ZNF738: variants seen among roughly 807,000 people sequenced by gnomAD.
The protein encoded by ZNF738 is protein ZNF738.
Under a neutral mutation model 9.2 loss-of-function variants are expected in ZNF738, and 10 were observed. The observed-to-expected ratio is 1.09, with a 90% CI of 0.67 to 1.85. The LOEUF is 1.85. Among genes scored for constraint, ZNF738 ranks in the 40% most tolerant of loss-of-function variants. The pLI is 0.00. For synonymous variants in ZNF738, 113 were observed against 94.5 expected (o/e 1.20, Z -1.14); for missense variants, 346 against 283.6 (o/e 1.22, Z -1.58).
In ZNF738 at chr19:21,375,365, G is replaced by C; in HGVS notation, c.223+1G>C. The C allele has an allele frequency of 1.2e-6, 1 of 832,862 alleles. No homozygotes were observed. Among genetic ancestry groups the C allele is most frequent in the Non-Finnish European group, 2.1e-6 (1 of 485,504 alleles). 51.6% of individuals were successfully genotyped at this position (832,862 alleles called of 1,614,324 possible). A position where few individuals can be genotyped will look rare whatever the true frequency, so the allele number is the denominator to read the frequency against. ...AACTTCAGAAACCTGGTGTTCTTGG[G>C]TGAGAATAACTTTAATACACAATTC... On this transcript the variant is annotated splice_donor_variant, in intron 3 of 4. Coordinates refer to ENST00000683779, the MANE Select transcript of ZNF738 (RefSeq NM_001355237.2). LOFTEE classifies it high-confidence loss of function.
Position 21,361,795 on chromosome 19 carries a change from C to G in ZNF738, c.33C>G (p.Val11=). The G allele has an allele frequency of 1.3e-6, 1 of 780,754 alleles. No homozygotes were observed. 48.4% of individuals were successfully genotyped at this position (780,754 alleles called of 1,614,324 possible). A position where few individuals can be genotyped will look rare whatever the true frequency, so the allele number is the denominator to read the frequency against. The change falls in exon 2 of 5, where the codon GTC becomes GTG. Residue 11 remains valine (V), a synonymous_variant. Coordinates refer to ENST00000683779, the MANE Select transcript of ZNF738 (RefSeq NM_001355237.2). The stretch of plus-strand genomic sequence containing the variant: ...ACCTGAGGTATGGAGTGTATCCTGT[C>G]AAGGGGGCAAGTGGATACCCTGGGG... MDDLRYGVYP[V]KGASGYPGAE... is the part of the protein sequence containing the mutation.
At chr19:21,378,203 A>G (rs538972073) in intron 4 of ZNF738, 56 of 358,414 alleles carry the variant, frequency 1.6e-4, no homozygotes, top group Admixed American at 1.3e-3. Context: ...AATGATTTCT[A>G]TGCCTTTATC....
At chr19:21,373,003 C>G (rs892386350) in intron 2 of ZNF738, among the ~76,000 whole-genome samples, 45 of 152,262 alleles carry the variant, frequency 3.0e-4, no homozygotes, top group African/African-American at 1.1e-3. Flanking sequence ...GTAAAGGACT[C>G]TGTGCTGTGC....
In ZNF738 at chr19:21,361,758, T is replaced by C; in HGVS notation, c.4-8T>C. The C allele has an allele frequency of 1.3e-6, 1 of 780,366 alleles. No homozygotes were observed. The highest frequency in any genetic ancestry group is 1.3e-5 in the South Asian group (1 of 74,602). The allele number at this position is 780,366 out of a possible 1,614,324, so 48.3% of individuals were successfully genotyped here. On this transcript the variant is annotated splice_polypyrimidine_tract_variant and splice_region_variant and intron_variant, in intron 1 of 4. Transcript: ENST00000683779. The stretch of plus-strand genomic sequence containing the variant: ...GGATATCAGCTTCTGGTTTATTTTC[T>C]CCCATAGGACGACCTGAGGTATGGA...
chr19:21,359,695 G>A (rs1325314047), intron 1 of ZNF738, among the ~76,000 whole-genome samples: 2 of 152,166 alleles, frequency 1.3e-5, no homozygotes, highest in African/African-American at 2.4e-5. Flanking sequence ...GGCTAACACG[G>A]TGAAACCCCG....
chr19:21,383,973 A>C lies in ZNF738; in HGVS notation c.*299A>C, dbSNP rs1361851961. 4 of 1,452,884 alleles carry C rather than the reference A, an allele frequency of 2.8e-6. No individual in the cohort carries two copies. Among genetic ancestry groups the C allele is most frequent in the Middle Eastern group, 1.7e-4 (1 of 5,738 alleles). 90.0% of individuals were successfully genotyped at this position (1,452,884 alleles called of 1,614,324 possible). ...CTCCTACCTTACTGCACATAAGTTG[A>C]TTCATACTGGAGAGAAACCCTACAA... On this transcript the variant is annotated 3_prime_UTR_variant, in exon 5 of 5. Transcript: ENST00000683779.
chr19:21,375,204 C>T, intron 2 of ZNF738, 34 bp from the exon 3 acceptor site: 7 of 914,312 alleles, frequency 7.7e-6, no homozygotes, highest in Non-Finnish European at 1.1e-5. Context: ...CCCGTGGACA[C>T]TTGTAAATAT....
At chr19:21,381,715 G>C (rs974738391) in intron 4 of ZNF738, 6 of 320,226 alleles carry the variant, frequency 1.9e-5, no homozygotes, top group African/African-American at 6.6e-5. Flanking sequence ...GGATGGTCTC[G>C]ATCTCCTGAC....
chr19:21,368,794 T>C (rs1973820613), intron 2 of ZNF738, among the ~76,000 whole-genome samples: 1 of 151,894 alleles, frequency 6.6e-6, no homozygotes, highest in Non-Finnish European at 1.5e-5. Flanking sequence ...TGGAGTACAA[T>C]GGTGTGATCT....
chr19:21,377,710 C>G (rs1973950172), intron 4 of ZNF738: 2 of 376,178 alleles, frequency 5.3e-6, no homozygotes, highest in Non-Finnish European at 9.4e-6. Flanking sequence ...TATTTGCATG[C>G]AATGTCTAAA....
chr19:21,362,388 G>T (rs1053893817), intron 2 of ZNF738, among the ~76,000 whole-genome samples: 1 of 152,198 alleles, frequency 6.6e-6, no homozygotes, highest in Non-Finnish European at 1.5e-5. Context: ...GTGAGATGGT[G>T]TAAGAACTTG....
chr19:21,382,634 A>C (rs1455997012), intron 4 of ZNF738, among the ~76,000 whole-genome samples: 2 of 152,080 alleles, frequency 1.3e-5, no homozygotes, highest in African/African-American at 4.8e-5. Context: ...GACTTTTTGC[A>C]TTGTGCTCAC....
intron 2 of ZNF738, among the ~76,000 whole-genome samples, chr19:21,368,266 G>A (rs1488369903): frequency 1.3e-5 from 2 of 151,862 alleles, no homozygotes; most frequent in Non-Finnish European, 2.9e-5. Flanking sequence ...CCTCAACTAG[G>A]CCTCCATGAC....
At position 21,382,957 on chromosome 19, in the gene ZNF738, TG is replaced by T; in HGVS notation, c.413del (p.Gly138AspfsTer7). 1 of 635,684 alleles carries T rather than the reference TG, an allele frequency of 1.6e-6. No individual in the cohort carries two copies. The highest frequency in any genetic ancestry group is 2.9e-6 in the Non-Finnish European group (1 of 340,372). The allele number at this position is 635,684 out of a possible 1,614,324, so 39.4% of individuals were successfully genotyped here. ...TGATACTGAGAGAATATGGAAATTA[TG>T]GACATAAAGATTTACAGTTAAGAAA... is the stretch of plus-strand genomic sequence containing the variant. ...KVILREYGNY[G>X]HKDLQLRKGC... is the part of the protein sequence containing the mutation. On this transcript the variant is annotated frameshift_variant, in exon 5 of 5. Coordinates refer to ENST00000683779, the MANE Select transcript of ZNF738 (RefSeq NM_001355237.2). LOFTEE classifies it low-confidence loss of function (END_TRUNC).
intron 2 of ZNF738, among the ~76,000 whole-genome samples, 168 bp downstream of exon 2, chr19:21,362,026 G>A (rs904313564): frequency 1.3e-5 from 2 of 151,748 alleles, no homozygotes; most frequent in Admixed American, 6.6e-5. Flanking sequence ...AGGTTGTGGT[G>A]AGCCGAGATC....
At chr19:21,374,447 G>A (rs2968035) in intron 2 of ZNF738, among the ~76,000 whole-genome samples, 36 of 152,278 alleles carry the variant, frequency 2.4e-4, no homozygotes, top group African/African-American at 7.2e-4. Flanking sequence ...TTCGGTGTGC[G>A]TCAGCACATC....
chr19:21,364,004 C>G (rs1222013969), intron 2 of ZNF738, among the ~76,000 whole-genome samples: 4 of 151,764 alleles, frequency 2.6e-5, no homozygotes, highest in Non-Finnish European at 1.5e-5. Context: ...CGAGACCAGC[C>G]TGACCAATAT....
intron 4 of ZNF738, among the ~76,000 whole-genome samples, chr19:21,379,789 T>C (rs951767680): frequency 3.3e-5 from 5 of 152,174 alleles, no homozygotes; most frequent in African/African-American, 1.2e-4. Flanking sequence ...GGATCAACAA[T>C]TATATTATTG....
At chr19:21,362,222 C>T (rs903010777) in intron 2 of ZNF738, among the ~76,000 whole-genome samples, 1 of 151,982 alleles carries the variant, frequency 6.6e-6, no homozygotes, top group Non-Finnish European at 1.5e-5. Context: ...GGAACAAACA[C>T]AGTAATAACT....
Sources: gnomAD v4.1 joint callset for allele counts (sites outside exome capture counted in the v4.1 genomes callset) on GRCh38, gnomAD v4.1.1 for gene constraint, MANE v1.5 for transcripts, NCBI Gene and HGNC (gene_info 2026-07-23, HGNC 2026-07-21) for gene names.